RNF220: variants seen among roughly 807,000 people sequenced by gnomAD.
The protein encoded by RNF220 is ring finger protein 220.
In RNF220, 7 loss-of-function variants were observed where a neutral mutation model predicts 67.1. That is an observed-to-expected ratio of 0.10 (90% CI 0.06 to 0.20). The LOEUF is 0.20. Among genes scored for constraint, RNF220 ranks in the 10% least tolerant of loss-of-function variants. The pLI, the probability that RNF220 is intolerant of heterozygous loss-of-function variation, is 1.00. For missense variants in RNF220, 565 were observed against 740.3 expected, an observed-to-expected ratio of 0.76 and a Z score of 2.75; for synonymous variants, 270 against 283.2, an observed-to-expected ratio of 0.95 and a Z score of 0.47.
At chr1:44,577,260 C>T (rs917317689) in intron 2 of RNF220, among the ~76,000 whole-genome samples, 6 of 152,184 alleles carry the variant, frequency 3.9e-5, no homozygotes, top group African/African-American at 1.4e-4. Flanking sequence ...GCCCCTGCAG[C>T]CTTCTCCAGT....
rs139046258 is a variant in RNF220, at chr1:44,444,086, G to A, written c.625+31364G>A. 2.1e-3 allele frequency among the ~76,000 whole-genome samples: 320 copies of A among 152,186 alleles called. 1 individual carries two copies. Among genetic ancestry groups the A allele is most frequent in the Middle Eastern group, 0.017 (5 of 294 alleles). Reference sequence around the variant, plus strand: ...AGCCTGGGCAACAGAGCAAGACTCCGTCTCAAAAAAAGAAAGAAAGAAAGA... The same window carrying A: ...AGCCTGGGCAACAGAGCAAGACTCCATCTCAAAAAAAGAAAGAAAGAAAGA... On this transcript the variant is annotated intron_variant, in intron 2 of 14. Transcript: ENST00000361799.
intron 4 of RNF220, among the ~76,000 whole-genome samples, chr1:44,625,785 G>A (rs1335463459): frequency 6.6e-6 from 1 of 151,890 alleles, no homozygotes; most frequent in East Asian, 1.9e-4. Context: ...GTTTTGCTGG[G>A]GTTTTTGCTG....
intron 2 of RNF220, among the ~76,000 whole-genome samples, chr1:44,526,651 C>T (rs1219805978): frequency 1.3e-5 from 2 of 152,162 alleles, no homozygotes; most frequent in African/African-American, 4.8e-5. Context: ...ATCCCTCTTC[C>T]TACCAATGCC....
chr1:44,477,719 C>A (rs1485111761), intron 2 of RNF220, among the ~76,000 whole-genome samples: 1 of 152,168 alleles, frequency 6.6e-6, no homozygotes, highest in Non-Finnish European at 1.5e-5. Flanking sequence ...ACAGTAGCTA[C>A]CTGGGGAGAG....
chr1:44,506,767 G>A (rs950773069), intron 2 of RNF220, among the ~76,000 whole-genome samples: 11 of 152,174 alleles, frequency 7.2e-5, no homozygotes, highest in African/African-American at 2.7e-4. Flanking sequence ...TGACTTGCCC[G>A]GTGTGGTAAA....
At chr1:44,432,107 A>G (rs561541966) in intron 2 of RNF220, among the ~76,000 whole-genome samples, 4 of 152,004 alleles carry the variant, frequency 2.6e-5, no homozygotes, top group Non-Finnish European at 5.9e-5. Context: ...CCACTTCTTC[A>G]ACCATGTTTT....
At chr1:44,626,528 CTG>C in intron 5 of RNF220, 130 bp downstream of exon 5, 1 of 693,648 alleles carries the variant, frequency 1.4e-6, no homozygotes, top group Non-Finnish European at 2.5e-6. Context: ...TTGGTTCCCC[CTG>C]TGTCCCGTGC....
At chr1:44,642,486 T>G (rs950752447) in intron 8 of RNF220, among the ~76,000 whole-genome samples, 1 of 152,058 alleles carries the variant, frequency 6.6e-6, no homozygotes, top group Non-Finnish European at 1.5e-5. Context: ...CAGGCATGTA[T>G]ATTGTAGACC....
At chr1:44,616,858 C>T (rs571432608) in intron 3 of RNF220, among the ~76,000 whole-genome samples, 29 of 152,256 alleles carry the variant, frequency 1.9e-4, no homozygotes, top group Admixed American at 1.7e-3. Context: ...GTGAGGGCCA[C>T]ACTACAGTGC....
intron 8 of RNF220, among the ~76,000 whole-genome samples, chr1:44,638,774 T>C (rs1247236001): frequency 6.6e-6 from 1 of 152,194 alleles, no homozygotes; most frequent in Non-Finnish European, 1.5e-5. Context: ...CTCGGATTGA[T>C]ATTTTAGGAC....
Position 44,411,906 on chromosome 1 carries a change from T to G in RNF220, c.-117-75T>G. ...GTGAGCCAGAAGGATGGTGTTTCGATCACTTGGGGTTTCCCTTTTTTTCCT... is the reference window on the plus strand; with the variant it reads ...GTGAGCCAGAAGGATGGTGTTTCGAGCACTTGGGGTTTCCCTTTTTTTCCT... On this transcript the variant is annotated intron_variant, in intron 1 of 14. Coordinates refer to ENST00000361799, the MANE Select transcript of RNF220 (RefSeq NM_018150.4). The G allele has an allele frequency of 5.0e-6, 3 of 605,350 alleles. No individual in the cohort carries two copies. The African/African-American group carries it at 5.6e-5, about 11-fold the overall frequency. 37.5% of individuals were successfully genotyped at this position (605,350 alleles called of 1,614,324 possible). A position where few individuals can be genotyped will look rare whatever the true frequency, so the allele number is the denominator to read the frequency against.
chr1:44,435,433 A>G (rs1650864392), intron 2 of RNF220, among the ~76,000 whole-genome samples: 1 of 152,208 alleles, frequency 6.6e-6, no homozygotes, highest in South Asian at 2.1e-4. Context: ...CACTCAATAA[A>G]TAGTGACTAT....
chr1:44,509,457 G>A (rs1048981062), intron 2 of RNF220, among the ~76,000 whole-genome samples: 1 of 151,620 alleles, frequency 6.6e-6, no homozygotes, highest in Admixed American at 6.6e-5. Flanking sequence ...GGCTGAGGCA[G>A]GAGAATGGCG....
chr1:44,518,736 G>A (rs1044479997), intron 2 of RNF220, among the ~76,000 whole-genome samples: 19 of 152,084 alleles, frequency 1.2e-4, no homozygotes, highest in Admixed American at 8.5e-4. Flanking sequence ...TTAGCCAGGC[G>A]TGGTGGCGGG....
At position 44,417,920 on chromosome 1, in the gene RNF220, C is replaced by T. The variant is rs978611919; in HGVS notation, c.625+5198C>T. ...CCGTCGCTCTGCAGCACTTGGAGGC[C>T]GCAGGAGGACTCCGCGCGCCGCCTC... On this transcript the variant is annotated intron_variant, in intron 2 of 14. Coordinates refer to ENST00000361799, the MANE Select transcript of RNF220 (RefSeq NM_018150.4). The surrounding 1 kb of genome is among the most constrained non-coding windows in gnomAD (Gnocchi z 4.0). Among the ~76,000 whole-genome samples, 10 of 152,114 alleles carry T rather than the reference C, an allele frequency of 6.6e-5. No individual in the cohort carries two copies. Among genetic ancestry groups the T allele is most frequent in the Admixed American group, 5.2e-4 (8 of 15,292 alleles).
At position 44,515,974 on chromosome 1, in the gene RNF220, G is replaced by A. The variant is rs543138241; in HGVS notation, c.626-98191G>A. On this transcript the variant is annotated intron_variant, in intron 2 of 14. Transcript: ENST00000361799. The stretch of plus-strand genomic sequence containing the variant: ...TATCACTTGGCTTGCCCGTCAGTGC[G>A]GATCTGAAGATGAGACGCTAAAACC... 1.0e-3 allele frequency among the ~76,000 whole-genome samples: 158 copies of A among 152,184 alleles called. 1 individual carries two copies. The highest frequency in any genetic ancestry group is 2.0e-3 in the Non-Finnish European group (138 of 68,038).
At chr1:44,542,364 C>T (rs1661740148) in intron 2 of RNF220, among the ~76,000 whole-genome samples, 1 of 152,200 alleles carries the variant, frequency 6.6e-6, no homozygotes, top group Non-Finnish European at 1.5e-5. Flanking sequence ...CAGAGGGTTA[C>T]ACACTGAGCC....
At chr1:44,495,724 G>A (rs1657286281) in intron 2 of RNF220, among the ~76,000 whole-genome samples, 1 of 152,206 alleles carries the variant, frequency 6.6e-6, no homozygotes, top group Non-Finnish European at 1.5e-5. Context: ...ATTAGCCACA[G>A]CGCCTGGCCT....
At chr1:44,425,631 G>A (rs998744389) in intron 2 of RNF220, among the ~76,000 whole-genome samples, 5 of 152,188 alleles carry the variant, frequency 3.3e-5, no homozygotes, top group Admixed American at 3.3e-4. Context: ...CTAGCCGTGT[G>A]ATGCTGGGTA....
Sources: allele counts gnomAD v4.1 joint callset (sites outside exome capture counted in the v4.1 genomes callset), GRCh38; gene constraint gnomAD v4.1.1; non-coding constraint Gnocchi (gnomAD v3.1); transcripts MANE v1.5; gene names NCBI Gene and HGNC (gene_info 2026-07-23, HGNC 2026-07-21).